The following GINS1 variants were observed in gnomAD, a reference collection of about 807,000 sequenced individuals.
GINS1 encodes the protein GINS complex subunit 1, also known as DNA replication complex GINS protein PSF1.
A neutral mutation model predicts 34.9 loss-of-function variants in GINS1; 26 were observed. The ratio of observed to expected loss-of-function variants is 0.74; its 90% CI spans 0.55 to 1.03. The LOEUF (loss-of-function observed/expected upper bound fraction) is 1.03, where lower values mean the gene tolerates loss of function less well. Ranked by LOEUF, GINS1 falls within the 50% of genes least tolerant of loss-of-function variation. The pLI is 0.00. For synonymous variants in GINS1, 97 were observed against 84.4 expected, an observed-to-expected ratio of 1.15 and a Z score of -0.82; for missense variants, 235 against 237.9, an observed-to-expected ratio of 0.99 and a Z score of 0.08.
At position 25,431,509 on chromosome 20, in the gene GINS1, GTCT is replaced by G. The variant is rs1290686424; in HGVS notation, c.447+6187_447+6189del. ...AAGTTAGGTGGTTGGCTTGAAATTT[GTCT>G]TCTTTCGTTTTTGTTTTTGTTTCTT... On this transcript the variant is annotated intron_variant, in intron 5 of 6. Transcript: ENST00000262460. 4.7e-5 allele frequency among the ~76,000 whole-genome samples: 7 copies of G among 149,190 alleles called. No individual in the cohort carries two copies. In the South Asian group the frequency reaches 1.3e-3, roughly 27 times the overall value.
chr20:25,418,527 A>G (rs2090335496), intron 4 of GINS1, among the ~76,000 whole-genome samples: 1 of 152,204 alleles, frequency 6.6e-6, no homozygotes. Flanking sequence ...ATCAAAATTC[A>G]TATTTGCCTA....
chr20:25,439,130 AGAT>A (rs1190863012), intron 5 of GINS1, among the ~76,000 whole-genome samples: 1 of 152,212 alleles, frequency 6.6e-6, no homozygotes, highest in Non-Finnish European at 1.5e-5. Context: ...ACCTTTCAGT[AGAT>A]AATGGAGATC....
intron 5 of GINS1, among the ~76,000 whole-genome samples, chr20:25,440,810 C>CAAA (rs60014594): frequency 1.3e-3 from 93 of 68,948 alleles, no homozygotes; most frequent in East Asian, 3.2e-3. Context: ...GACTCTGTCT[C>CAAA]AAAAAAAAAA....
At chr20:25,440,810 CAAAAAAAAAA>C (rs60014594) in intron 5 of GINS1, among the ~76,000 whole-genome samples, 3,829 of 69,162 alleles carry the variant, frequency 0.055, 183 homozygotes, top group African/African-American at 0.14. Flanking sequence ...GACTCTGTCT[CAAAAAAAAAA>C]AAAAAAAAAA....
chr20:25,442,165 A>G (rs534842247), intron 6 of GINS1, among the ~76,000 whole-genome samples: 1 of 152,336 alleles, frequency 6.6e-6, no homozygotes, highest in East Asian at 1.9e-4. Flanking sequence ...TGCCTTATAA[A>G]TCCTAGTTCT....
intron 2 of GINS1, among the ~76,000 whole-genome samples, chr20:25,416,556 A>G (rs1020051508): frequency 6.6e-6 from 1 of 152,242 alleles, no homozygotes; most frequent in Admixed American, 6.5e-5. Flanking sequence ...TTTATAGGGT[A>G]AAACCAAAAT....
At chr20:25,414,924 AT>A (rs1325416657) in intron 2 of GINS1, among the ~76,000 whole-genome samples, 2 of 152,152 alleles carry the variant, frequency 1.3e-5, no homozygotes, top group East Asian at 3.9e-4. Flanking sequence ...AGGTGACTAG[AT>A]TTATTGACTC....
rs1426742380 is a variant in GINS1, at chr20:25,423,470, T to C, written c.331-1741T>C. ...TTCTTTTCTTTTTTTTTTTTTTTTT[T>C]TTTTTTTTTTTTTTTTGAGACGGCA... On this transcript the variant is annotated intron_variant, in intron 4 of 6. Coordinates refer to ENST00000262460, the MANE Select transcript of GINS1 (RefSeq NM_021067.5). Among the ~76,000 whole-genome samples the C allele has an allele frequency of 1.2e-4, 14 of 117,546 alleles. 2 individuals are homozygous for C. In the South Asian group the frequency reaches 3.7e-3, roughly 31 times the overall value. 77.1% of individuals were successfully genotyped at this position (117,546 alleles called of 152,430 possible).
At chr20:25,423,578 C>T (rs140870041) in intron 4 of GINS1, among the ~76,000 whole-genome samples, 2,760 of 136,494 alleles carry the variant, frequency 0.02, 91 homozygotes, top group African/African-American at 0.07. Flanking sequence ...AAGCCATTCT[C>T]CTACCTCAGC....
At chr20:25,415,215 A>G (rs935814057) in intron 2 of GINS1, among the ~76,000 whole-genome samples, 1 of 152,256 alleles carries the variant, frequency 6.6e-6, no homozygotes, top group African/African-American at 2.4e-5. Flanking sequence ...AGAGATACAG[A>G]AAAATCTTTA....
rs373208607 is a variant in GINS1, at chr20:25,446,333, C to T, written c.*342C>T. On this transcript the variant is annotated 3_prime_UTR_variant, in exon 7 of 7. Transcript: ENST00000262460. ...CACAGGCGTGAGCCACTGCACCCGG[C>T]CCCTACTCCTTTTTCTAATAAGCTG... is the stretch of plus-strand genomic sequence containing the variant. 2 of 201,354 alleles carry T rather than the reference C, an allele frequency of 9.9e-6. No individual in the cohort carries two copies. Among genetic ancestry groups the T allele is most frequent in the Middle Eastern group, 1.9e-3 (1 of 536 alleles). The allele number at this position is 201,354 out of a possible 1,614,324, so 12.5% of individuals were successfully genotyped here. A position where few individuals can be genotyped will look rare whatever the true frequency, so the allele number is the denominator to read the frequency against.
chr20:25,415,736 G>T (rs974087848), intron 2 of GINS1, among the ~76,000 whole-genome samples: 1 of 151,538 alleles, frequency 6.6e-6, no homozygotes, highest in African/African-American at 2.4e-5. Context: ...ACTGTCTAGT[G>T]CAGAAGACAG....
chr20:25,432,674 C>G (rs1253127536), intron 5 of GINS1, among the ~76,000 whole-genome samples: 1 of 151,842 alleles, frequency 6.6e-6, no homozygotes, highest in African/African-American at 2.4e-5. Context: ...GCCATGTTGG[C>G]CAGGCTGGTC....
At chr20:25,415,544 G>T (rs930249328) in intron 2 of GINS1, among the ~76,000 whole-genome samples, 1 of 152,100 alleles carries the variant, frequency 6.6e-6, no homozygotes, top group Non-Finnish European at 1.5e-5. Context: ...AATTAGCCAT[G>T]CGTGGTGGCG....
At chr20:25,437,788 G>C (rs2090461560) in intron 5 of GINS1, among the ~76,000 whole-genome samples, 1 of 152,114 alleles carries the variant, frequency 6.6e-6, no homozygotes, top group South Asian at 2.1e-4. Flanking sequence ...GAAGAATAGA[G>C]CAAAAGGGTA....
intron 5 of GINS1, among the ~76,000 whole-genome samples, chr20:25,428,174 A>T (rs974914578): frequency 2.0e-5 from 3 of 150,422 alleles, no homozygotes; most frequent in African/African-American, 7.3e-5. Context: ...CACCCGGCCA[A>T]TTTTTTTTGT....
At chr20:25,420,965 A>G (rs1271847970) in intron 4 of GINS1, 1 of 984,392 alleles carries the variant, frequency 1.0e-6, no homozygotes. Context: ...GCCATTTTGG[A>G]CCAGTAACAA....
intron 5 of GINS1, among the ~76,000 whole-genome samples, chr20:25,440,322 A>T (rs1259107522): frequency 1.3e-5 from 2 of 152,156 alleles, no homozygotes; most frequent in Admixed American, 1.3e-4. Flanking sequence ...TTTTAAAATT[A>T]TCTGGTTTTA....
At chr20:25,430,553 G>A (rs1017959487) in intron 5 of GINS1, among the ~76,000 whole-genome samples, 6 of 151,984 alleles carry the variant, frequency 3.9e-5, no homozygotes, top group South Asian at 2.1e-4. Context: ...TTTTCAAGAC[G>A]GAGTTTTGGT....
Sources: gnomAD v4.1 joint callset for allele counts (sites outside exome capture counted in the v4.1 genomes callset) on GRCh38, gnomAD v4.1.1 for gene constraint, MANE v1.5 for transcripts, NCBI Gene and HGNC (gene_info 2026-07-23, HGNC 2026-07-21) for gene names.